The following ADCK1 variants were observed in gnomAD, a reference collection of about 807,000 sequenced individuals.
ADCK1 encodes the protein aarF domain containing kinase 1.
A neutral mutation model predicts 52.3 loss-of-function variants in ADCK1; 41 were observed. The ratio of observed to expected loss-of-function variants is 0.78; its 90% CI spans 0.61 to 1.02. ADCK1 has a LOEUF of 1.02. ADCK1 is among the 50% of genes least tolerant of loss of function. The pLI, the probability that ADCK1 is intolerant of heterozygous loss-of-function variation, is 0.00. For synonymous variants in ADCK1, 250 were observed against 274.6 expected (o/e 0.91, Z 0.89); for missense variants, 658 against 679.5 (o/e 0.97, Z 0.35).
In ADCK1 at chr14:77,887,212, T is replaced by TG; in HGVS notation, c.546dup (p.Arg183AlafsTer26). On this transcript the variant is annotated frameshift_variant, in exon 5 of 11. Transcript: ENST00000238561. LOFTEE classifies it high-confidence loss of function. ...GCCGTGAAGGTCCAGCACCCAAAGG[T>TG]GCGGGCTCAGAGCTCGAAGGACATT... 6.2e-7 allele frequency: 1 copy of TG among 1,604,346 alleles called. No individual in the cohort carries two copies.
chr14:77,872,584 G>T (rs74760472), intron 4 of ADCK1, among the ~76,000 whole-genome samples: 19,963 of 151,912 alleles, frequency 0.13, 1,500 homozygotes, highest in South Asian at 0.22. Flanking sequence ...GCTGGCCTTG[G>T]GGGGAGAGTG....
intron 5 of ADCK1, among the ~76,000 whole-genome samples, chr14:77,887,697 G>T (rs1002782371): frequency 2.0e-5 from 3 of 152,192 alleles, no homozygotes; most frequent in African/African-American, 7.2e-5. Flanking sequence ...CATCTATGCA[G>T]GTTGCAGGTT....
At chr14:77,841,984 G>T (rs1445510073) in intron 3 of ADCK1, among the ~76,000 whole-genome samples, 1 of 152,040 alleles carries the variant, frequency 6.6e-6, no homozygotes, top group Non-Finnish European at 1.5e-5. Flanking sequence ...CCAGCTACTT[G>T]GGAGGCTGAA....
intron 2 of ADCK1, among the ~76,000 whole-genome samples, chr14:77,821,761 A>T (rs112506336): frequency 0.021 from 3,143 of 151,832 alleles, 120 homozygotes; most frequent in African/African-American, 0.073. Context: ...TGTGTGTATA[A>T]TCCCAGCTAC....
At chr14:77,834,081 C>A (rs1304031075) in intron 3 of ADCK1, among the ~76,000 whole-genome samples, 1 of 152,188 alleles carries the variant, frequency 6.6e-6, no homozygotes. Flanking sequence ...TTTCTTCCTG[C>A]ATATCCAGAA....
intron 3 of ADCK1, chr14:77,827,769 C>T: frequency 2.7e-6 from 1 of 375,160 alleles, no homozygotes; most frequent in Non-Finnish European, 5.1e-6. Context: ...GAGCCAGGTC[C>T]CCTGGCACCT....
intron 4 of ADCK1, among the ~76,000 whole-genome samples, chr14:77,863,616 C>T (rs2082598763): frequency 3.3e-5 from 5 of 152,136 alleles, no homozygotes; most frequent in African/African-American, 1.2e-4. Context: ...GTGGGTGGAT[C>T]ACTTGAGGTC....
chr14:77,889,431 T>A (rs2083232944), intron 5 of ADCK1, among the ~76,000 whole-genome samples: 1 of 152,248 alleles, frequency 6.6e-6, no homozygotes, highest in African/African-American at 2.4e-5. Flanking sequence ...CTTGGAAAGC[T>A]AAACTATAGA....
At position 77,928,496 on chromosome 14, in the gene ADCK1, C is replaced by T. The variant is rs2084249419; in HGVS notation, c.1206+2535C>T. On this transcript the variant is annotated intron_variant, in intron 9 of 10. Transcript: ENST00000238561. ...TTTTTTTTTGAGACAGAGTCTCTCT[C>T]TCTTGTCCAGGCTGGAGTGCAGTGG... Among the ~76,000 whole-genome samples the T allele has an allele frequency of 2.0e-5, 3 of 150,148 alleles. No homozygotes were observed. The South Asian group carries it at 6.3e-4, about 32-fold the overall frequency.
At chr14:77,855,395 T>C (rs1013733013) in intron 3 of ADCK1, among the ~76,000 whole-genome samples, 4 of 152,216 alleles carry the variant, frequency 2.6e-5, no homozygotes, top group African/African-American at 9.6e-5. Flanking sequence ...GGGAAGGTTA[T>C]GTAACTTGCC....
Position 77,859,121 on chromosome 14 carries a change from A to AG in ADCK1, c.265_266insG (p.Asn89ArgfsTer56). 1 of 1,612,880 alleles carries AG rather than the reference A, an allele frequency of 6.2e-7. No homozygotes were observed. The highest frequency in any genetic ancestry group is 8.5e-7 in the Non-Finnish European group (1 of 1,179,824). On this transcript the variant is annotated frameshift_variant, in exon 4 of 11. Transcript: ENST00000238561. LOFTEE classifies it high-confidence loss of function. ...GCGTCTCTGTGAGCTCTGCTGTGCCAACCGGGGCACCTTCATCAAGGTGGG... is the reference window on the plus strand; with the variant it reads ...GCGTCTCTGTGAGCTCTGCTGTGCCAGACCGGGGCACCTTCATCAAGGTGGG...
chr14:77,907,217 G>A (rs2083686866), intron 6 of ADCK1, among the ~76,000 whole-genome samples: 1 of 152,156 alleles, frequency 6.6e-6, no homozygotes, highest in Admixed American at 6.5e-5. Context: ...CCTGGCCCCA[G>A]TATTTAGTTT....
intron 3 of ADCK1, among the ~76,000 whole-genome samples, chr14:77,828,855 A>T (rs1251158247): frequency 1.4e-5 from 2 of 142,348 alleles, no homozygotes; most frequent in Non-Finnish European, 3.2e-5. Context: ...CTATGAACTC[A>T]TGGATATTTA....
chr14:77,894,717 CT>C lies in ADCK1; in HGVS notation c.583-4378del, dbSNP rs2083362402. ...TAAATAACAGTCAGTCGTTTTATTT[CT>C]TTTTCTTTTCTTTTCTTGTTTTTTT... On this transcript the variant is annotated intron_variant, in intron 5 of 10. Transcript: ENST00000238561. Among the ~76,000 whole-genome samples, 3 of 62,320 alleles carry C rather than the reference CT, an allele frequency of 4.8e-5. No homozygotes were observed. The Admixed American group carries it at 5.0e-4, about 10-fold the overall frequency. 40.9% of individuals were successfully genotyped at this position (62,320 alleles called of 152,430 possible).
In ADCK1 at chr14:77,917,513, A is replaced by G. The variant is rs1005465907; in HGVS notation, c.859-6944A>G. 5.3e-5 allele frequency among the ~76,000 whole-genome samples: 8 copies of G among 152,338 alleles called. No individual in the cohort carries two copies. In the South Asian group the frequency reaches 1.4e-3, roughly 28 times the overall value. On this transcript the variant is annotated intron_variant, in intron 7 of 10. Coordinates refer to ENST00000238561, the MANE Select transcript of ADCK1 (RefSeq NM_020421.4). ...TAGAATAATTAAAGTACTTTTAGCCAATTCAAGTTTTGAGAAAAGTCCAAA... is the reference window on the plus strand; with the variant it reads ...TAGAATAATTAAAGTACTTTTAGCCGATTCAAGTTTTGAGAAAAGTCCAAA...
At position 77,887,340 on chromosome 14, in the gene ADCK1, G is replaced by T. The variant is rs962821876; in HGVS notation, c.582+91G>T. On this transcript the variant is annotated intron_variant, in intron 5 of 10. Transcript: ENST00000238561. Reference sequence around the variant, plus strand: ...AGGTGGAACTGGTTCAAGCTGGTGAGTGGAGTGTGGCCCTTCAAGCAGCAG... The same window carrying T: ...AGGTGGAACTGGTTCAAGCTGGTGATTGGAGTGTGGCCCTTCAAGCAGCAG... 1.2e-5 allele frequency: 16 copies of T among 1,388,790 alleles called. No homozygotes were observed. In the African/African-American group the frequency reaches 2.2e-4, roughly 19 times the overall value. 86.0% of individuals were successfully genotyped at this position (1,388,790 alleles called of 1,614,324 possible).
intron 1 of ADCK1, among the ~76,000 whole-genome samples, chr14:77,807,844 T>C (rs1004308101): frequency 1.3e-5 from 2 of 151,890 alleles, no homozygotes; most frequent in Admixed American, 6.6e-5. Flanking sequence ...GGTTTTCCCA[T>C]GTTGGCCAGT....
At chr14:77,930,850 T>C (rs3783952) in intron 9 of ADCK1, among the ~76,000 whole-genome samples, 109,678 of 152,040 alleles carry the variant, frequency 0.72, 40,431 homozygotes, top group African/African-American at 0.86. Context: ...TTTAGGATTT[T>C]GCTGGGGGCA....
At chr14:77,834,297 A>G (rs2081917108) in intron 3 of ADCK1, among the ~76,000 whole-genome samples, 1 of 152,110 alleles carries the variant, frequency 6.6e-6, no homozygotes, top group Non-Finnish European at 1.5e-5. Flanking sequence ...TATTCTGGGT[A>G]CCAGCTGAAA....
Sources: allele counts gnomAD v4.1 joint callset (sites outside exome capture counted in the v4.1 genomes callset), GRCh38; gene constraint gnomAD v4.1.1; transcripts MANE v1.5; gene names NCBI Gene and HGNC (gene_info 2026-07-23, HGNC 2026-07-21).